ARHGAP40: variants seen among roughly 807,000 people sequenced by gnomAD.
ARHGAP40 encodes rho GTPase-activating protein 40.
Under a neutral mutation model 73.5 loss-of-function variants are expected in ARHGAP40, and 43 were observed. The ratio of observed to expected loss-of-function variants is 0.58; its 90% CI spans 0.46 to 0.75. ARHGAP40 has a LOEUF of 0.75. Among genes scored for constraint, ARHGAP40 ranks in the 30% least tolerant of loss-of-function variants. The pLI is 0.00. For missense variants in ARHGAP40, 734 were observed against 861.8 expected, an observed-to-expected ratio of 0.85 and a Z score of 1.86; for synonymous variants, 300 against 352.8, an observed-to-expected ratio of 0.85 and a Z score of 1.68.
chr20:38,627,320 G>C, intron 3 of ARHGAP40, 105 bp downstream of exon 3: 1 of 1,043,540 alleles, frequency 9.6e-7, no homozygotes, highest in Non-Finnish European at 1.3e-6. Context: ...GTGTTGGTGT[G>C]TGTATGTGTG....
chr20:38,638,898 T>A, intron 8 of ARHGAP40, 60 bp downstream of exon 8: 2 of 1,275,130 alleles, frequency 1.6e-6, no homozygotes, highest in Non-Finnish European at 2.1e-6. Context: ...CACATGTGTG[T>A]TAAGCCGGGA....
chr20:38,639,169 G>A (rs748649645), intron 8 of ARHGAP40, 58 bp from the exon 9 acceptor site: 11 of 1,291,558 alleles, frequency 8.5e-6, no homozygotes, highest in East Asian at 5.6e-5. Context: ...AGAAGTGGTA[G>A]AGCGACTTCT....
chr20:38,647,416 A>C (rs980669429), intron 13 of ARHGAP40, among the ~76,000 whole-genome samples: 2 of 151,928 alleles, frequency 1.3e-5, no homozygotes, highest in African/African-American at 4.8e-5. Context: ...TTTGAGATGG[A>C]GTCTAGCTCT....
At chr20:38,618,396 C>T (rs191350209) in intron 1 of ARHGAP40, among the ~76,000 whole-genome samples, 8 of 152,278 alleles carry the variant, frequency 5.3e-5, no homozygotes, top group East Asian at 1.9e-4. Context: ...TGTGAGCCAC[C>T]GCACCCAGCC....
chr20:38,624,265 A>G (rs1468261266), intron 2 of ARHGAP40, among the ~76,000 whole-genome samples: 17 of 152,130 alleles, frequency 1.1e-4, no homozygotes, highest in Admixed American at 1.1e-3. Flanking sequence ...AGGCCTCCAC[A>G]TGTGGCCTGG....
chr20:38,614,660 T>C (rs574531710), intron 1 of ARHGAP40, among the ~76,000 whole-genome samples: 1 of 152,250 alleles, frequency 6.6e-6, no homozygotes, highest in Non-Finnish European at 1.5e-5. Context: ...AAAGCTTTTT[T>C]CTTTCTCAAA....
intron 6 of ARHGAP40, among the ~76,000 whole-genome samples, chr20:38,635,973 G>A (rs1255731529): frequency 1.3e-5 from 2 of 152,090 alleles, no homozygotes; most frequent in Non-Finnish European, 2.9e-5. Context: ...ATCCTCCTGG[G>A]ACCAGCTGGC....
intron 1 of ARHGAP40, among the ~76,000 whole-genome samples, chr20:38,603,385 C>A (rs1219858801): frequency 6.6e-6 from 1 of 151,836 alleles, no homozygotes; most frequent in Non-Finnish European, 1.5e-5. Context: ...TTTTAAGAAG[C>A]CAAAGACAAG....
At chr20:38,625,225 G>A (rs1237804152) in intron 2 of ARHGAP40, among the ~76,000 whole-genome samples, 3 of 152,182 alleles carry the variant, frequency 2.0e-5, no homozygotes, top group African/African-American at 7.2e-5. Flanking sequence ...CCTCCATGTG[G>A]CCTCTCTGGA....
At chr20:38,627,416 TGG>T (rs111607729) in intron 3 of ARHGAP40, among the ~76,000 whole-genome samples, 2 of 129,916 alleles carry the variant, frequency 1.5e-5, no homozygotes, top group African/African-American at 3.0e-5. Context: ...GTATGTGTGT[TGG>T]GGGTGTGTGT....
chr20:38,630,080 CTT>C (rs1263369413), intron 5 of ARHGAP40, among the ~76,000 whole-genome samples: 6 of 74,572 alleles, frequency 8.0e-5, no homozygotes, highest in African/African-American at 2.5e-4. Flanking sequence ...TTCTTTCTTT[CTT>C]TTTCTTTCTT....
intron 2 of ARHGAP40, among the ~76,000 whole-genome samples, chr20:38,624,992 C>T (rs563490063): frequency 8.3e-4 from 126 of 152,374 alleles, no homozygotes; most frequent in Middle Eastern, 3.4e-3. Context: ...CCTCCTCCAT[C>T]CTTACTTGTT....
At chr20:38,644,892 C>G (rs2089041898) in intron 11 of ARHGAP40, among the ~76,000 whole-genome samples, 1 of 152,054 alleles carries the variant, frequency 6.6e-6, no homozygotes, top group Non-Finnish European at 1.5e-5. Context: ...TGCATCTATC[C>G]CACTATCTAC....
chr20:38,643,823 GC>G lies in ARHGAP40; in HGVS notation c.1483del (p.Leu495SerfsTer19), dbSNP rs776381941. On this transcript the variant is annotated frameshift_variant, in exon 11 of 15. Transcript: ENST00000373345. LOFTEE classifies it high-confidence loss of function. ...TTCTGCACCAAGGGCGGCCCCCCAA[GC>G]TCCCCAAAGGCAAGGAGAAGCAGCT... 19 of 1,305,566 alleles carry G rather than the reference GC, an allele frequency of 1.5e-5. No homozygotes were observed. The Middle Eastern group carries it at 6.4e-4, about 44-fold the overall frequency. The allele number at this position is 1,305,566 out of a possible 1,614,324, so 80.9% of individuals were successfully genotyped here.
intron 8 of ARHGAP40, 58 bp from the exon 9 acceptor site, chr20:38,639,169 G>C: frequency 7.7e-7 from 1 of 1,291,676 alleles, no homozygotes; most frequent in Admixed American, 2.3e-5. Context: ...AGAAGTGGTA[G>C]AGCGACTTCT....
intron 3 of ARHGAP40, 42 bp from the exon 4 acceptor site, chr20:38,628,885 C>G (rs2145605286): frequency 7.9e-7 from 1 of 1,267,738 alleles, no homozygotes; most frequent in African/African-American, 1.6e-5. Flanking sequence ...GCATTGTCAG[C>G]TTCCCACATG....
intron 1 of ARHGAP40, among the ~76,000 whole-genome samples, chr20:38,622,732 C>G (rs2088879768): frequency 6.6e-6 from 1 of 152,192 alleles, no homozygotes; most frequent in African/African-American, 2.4e-5. Flanking sequence ...TTTTGGAAGA[C>G]TGGCCACTCC....
intron 1 of ARHGAP40, among the ~76,000 whole-genome samples, chr20:38,619,968 G>C (rs1022289782): frequency 3.9e-5 from 6 of 152,052 alleles, no homozygotes; most frequent in Non-Finnish European, 8.8e-5. Context: ...GCTACTTGGG[G>C]GGCTGAGGTG....
intron 1 of ARHGAP40, among the ~76,000 whole-genome samples, chr20:38,622,217 G>A (rs192062362): frequency 6.6e-6 from 1 of 152,004 alleles, no homozygotes; most frequent in East Asian, 1.9e-4. Flanking sequence ...GGTTTTCTTT[G>A]CCTTTTGTTG....
Sources: gnomAD v4.1 joint callset for allele counts (sites outside exome capture counted in the v4.1 genomes callset) on GRCh38, gnomAD v4.1.1 for gene constraint, MANE v1.5 for transcripts, NCBI Gene and HGNC (gene_info 2026-07-23, HGNC 2026-07-21) for gene names.